Variants in TSPEAR observed in about 807,000 individuals in gnomAD.
The protein encoded by TSPEAR is thrombospondin type laminin G domain and EAR repeats.
TSPEAR carries 69 observed loss-of-function variants against 71.6 expected under a neutral mutation model. That is an observed-to-expected ratio of 0.96 (90% CI 0.79 to 1.18). The LOEUF (loss-of-function observed/expected upper bound fraction) is 1.18, where lower values mean the gene tolerates loss of function less well. Ranked by LOEUF, TSPEAR falls within the 50% of genes most tolerant of loss-of-function variation. The pLI, the probability that TSPEAR is intolerant of heterozygous loss-of-function variation, is 0.00. For missense variants in TSPEAR, 971 were observed against 894.9 expected (o/e 1.09, Z -1.09); for synonymous variants, 402 against 387.2 (o/e 1.04, Z -0.45).
intron 1 of TSPEAR, chr21:44,627,236 G>T (rs587691413): frequency 6.2e-7 from 1 of 1,612,630 alleles, no homozygotes; most frequent in African/African-American, 1.3e-5. Context: ...GTGGACGACT[G>T]CCCAGAGAGC....
chr21:44,530,912 C>CCACGCA (rs1218708617), intron 4 of TSPEAR, 131 bp downstream of exon 4: 4 of 758,126 alleles, frequency 5.3e-6, no homozygotes, highest in African/African-American at 3.4e-5. Context: ...GGTAGAGACT[C>CCACGCA]CACGCACGCT....
intron 2 of TSPEAR, among the ~76,000 whole-genome samples, chr21:44,537,403 A>G (rs2053107163): frequency 6.6e-6 from 1 of 152,212 alleles, no homozygotes; most frequent in Non-Finnish European, 1.5e-5. Flanking sequence ...AGCTGTTAGG[A>G]TATATTATGA....
intron 2 of TSPEAR, among the ~76,000 whole-genome samples, chr21:44,537,274 A>G (rs587625251): frequency 1.3e-5 from 2 of 152,126 alleles, no homozygotes; most frequent in East Asian, 1.9e-4. Context: ...TAAAAGCTCA[A>G]TGCAATCCCA....
At chr21:44,570,684 C>G (rs1375640658) in intron 1 of TSPEAR, among the ~76,000 whole-genome samples, 1 of 152,036 alleles carries the variant, frequency 6.6e-6, no homozygotes, top group Non-Finnish European at 1.5e-5. Flanking sequence ...CCACAGCAAG[C>G]AAAGGGAAGG....
Position 44,646,325 on chromosome 21 carries a change from G to GCCT in TSPEAR, c.82+65105_82+65107dup. Reference sequence around the variant, plus strand: ...CCAACAAGGAAGAAAAGCTTGTGGAGCCTCCTGTTGGGACAACACATGCCA... The same window carrying GCCT: ...CCAACAAGGAAGAAAAGCTTGTGGAGCCTCCTCCTGTTGGGACAACACATGCCA... On this transcript the variant is annotated intron_variant, in intron 1 of 11. Transcript: ENST00000323084. The GCCT allele has an allele frequency of 2.3e-6, 3 of 1,281,302 alleles. No homozygotes were observed. The South Asian group carries it at 4.5e-5, about 19-fold the overall frequency. The allele number at this position is 1,281,302 out of a possible 1,614,324, so 79.4% of individuals were successfully genotyped here.
At chr21:44,701,267 C>T (rs8132257) in intron 1 of TSPEAR, among the ~76,000 whole-genome samples, 39,155 of 152,040 alleles carry the variant, frequency 0.26, 5,443 homozygotes, top group Admixed American at 0.34. Flanking sequence ...GGGGAACATT[C>T]GATACCTTCC....
At chr21:44,659,718 C>T (rs1469400443) in intron 1 of TSPEAR, among the ~76,000 whole-genome samples, 8 of 152,040 alleles carry the variant, frequency 5.3e-5, no homozygotes, top group East Asian at 1.9e-4. Context: ...CCTGGTGGTT[C>T]GAGGCTGCAG....
chr21:44,595,439 T>C (rs1980300377), intron 1 of TSPEAR, among the ~76,000 whole-genome samples: 1 of 152,226 alleles, frequency 6.6e-6, no homozygotes, highest in African/African-American at 2.4e-5. Flanking sequence ...GTCTTACGAA[T>C]GCTTCTGTCT....
intron 1 of TSPEAR, chr21:44,658,437 G>A (rs1266328505): frequency 1.9e-5 from 11 of 580,042 alleles, no homozygotes; most frequent in Non-Finnish European, 3.0e-5. Context: ...CATGACCCTG[G>A]GAACCCCCTC....
chr21:44,540,084 G>A (rs781875742), intron 2 of TSPEAR: 1 of 1,613,704 alleles, frequency 6.2e-7, no homozygotes, highest in South Asian at 1.1e-5. Flanking sequence ...CAGCTCTCTG[G>A]GCAGGCATCC....
chr21:44,616,590 A>C (rs1982112389), intron 1 of TSPEAR, among the ~76,000 whole-genome samples: 1 of 152,144 alleles, frequency 6.6e-6, no homozygotes, highest in Non-Finnish European at 1.5e-5. Flanking sequence ...CCACAACTCC[A>C]GTCCCTCTTC....
At chr21:44,677,560 C>T in intron 1 of TSPEAR, 1 of 903,266 alleles carries the variant, frequency 1.1e-6, no homozygotes, top group South Asian at 1.4e-5. Context: ...GATGAGGATG[C>T]TTCTTCTGAA....
intron 9 of TSPEAR, chr21:44,517,308 C>G (rs1423156436): frequency 6.2e-6 from 1 of 160,288 alleles, no homozygotes; most frequent in African/African-American, 2.4e-5. Flanking sequence ...AGTGCACCCC[C>G]CAGGAACACC....
Position 44,697,332 on chromosome 21 carries a change from C to T in TSPEAR, c.82+14101G>A, listed in dbSNP as rs781931100. On this transcript the variant is annotated intron_variant, in intron 1 of 11. Transcript: ENST00000323084. ...TGCTGTGAGCCCCCCTGCTGCGCCC[C>T]GGCCCCCTGCCTGAGCCTGGTCTGC... The T allele has an allele frequency of 1.1e-5, 17 of 1,613,108 alleles. No individual in the cohort carries two copies. Among genetic ancestry groups the T allele is most frequent in the African/African-American group, 4.0e-5 (3 of 74,854 alleles).
At chr21:44,637,321 T>C (rs782013925) in intron 1 of TSPEAR, 1 of 1,448,906 alleles carries the variant, frequency 6.9e-7, no homozygotes, top group Non-Finnish European at 9.4e-7. Context: ...GCCCTGGGCA[T>C]ATAAAAGCCC....
At chr21:44,543,888 T>C (rs1555917506) in intron 2 of TSPEAR, among the ~76,000 whole-genome samples, 1 of 152,218 alleles carries the variant, frequency 6.6e-6, no homozygotes, top group Non-Finnish European at 1.5e-5. Flanking sequence ...TAATTAGCTA[T>C]GGTAGCACTA....
chr21:44,637,936 C>T (rs782778425), intron 1 of TSPEAR: 5 of 1,613,082 alleles, frequency 3.1e-6, no homozygotes, highest in Non-Finnish European at 3.4e-6. Context: ...AGCAGTCTAG[C>T]TGCCAGCCTG....
At chr21:44,694,603 T>C (rs1247306038) in intron 1 of TSPEAR, among the ~76,000 whole-genome samples, 1 of 152,182 alleles carries the variant, frequency 6.6e-6, no homozygotes, top group African/African-American at 2.4e-5. Context: ...GTTTAAAAGA[T>C]AAAAATAGTT....
chr21:44,522,627 C>T (rs1378803858), intron 8 of TSPEAR, among the ~76,000 whole-genome samples: 1 of 152,220 alleles, frequency 6.6e-6, no homozygotes, highest in African/African-American at 2.4e-5. Flanking sequence ...CAGGCCGGCT[C>T]GTGGAGCTAC....
Sources: gnomAD v4.1 joint callset for allele counts (sites outside exome capture counted in the v4.1 genomes callset) on GRCh38, gnomAD v4.1.1 for gene constraint, MANE v1.5 for transcripts, NCBI Gene and HGNC (gene_info 2026-07-23, HGNC 2026-07-21) for gene names.